The following TMEM132C variants were observed in gnomAD, a reference collection of about 807,000 sequenced individuals.
The protein encoded by TMEM132C is transmembrane protein 132C, also known as protein phosphatase 1, regulatory subunit 152.
Under a neutral mutation model 61.4 loss-of-function variants are expected in TMEM132C, and 29 were observed. That is an observed-to-expected ratio of 0.47 (90% CI 0.35 to 0.64). The LOEUF is 0.64. TMEM132C is among the 30% of genes least tolerant of loss of function. The pLI, the probability that TMEM132C is intolerant of heterozygous loss-of-function variation, is 0.00. For missense variants in TMEM132C, 1,408 were observed against 1,476.9 expected (o/e 0.95, Z 0.76); for synonymous variants, 656 against 633.1 (o/e 1.04, Z -0.54).
chr12:128,335,132 A>G (rs2135948777), intron 1 of TMEM132C, among the ~76,000 whole-genome samples: 1 of 152,346 alleles, frequency 6.6e-6, no homozygotes, highest in African/African-American at 2.4e-5. Flanking sequence ...ATAACTTGGC[A>G]TCTGAGTTCT....
chr12:128,499,301 T>C (rs1872076034), intron 2 of TMEM132C, among the ~76,000 whole-genome samples: 1 of 152,206 alleles, frequency 6.6e-6, no homozygotes. Context: ...GTGTACATAT[T>C]TATGAGGTAC....
chr12:128,547,258 GT>G (rs1351475243), intron 3 of TMEM132C, among the ~76,000 whole-genome samples: 1 of 152,188 alleles, frequency 6.6e-6, no homozygotes, highest in East Asian at 1.9e-4. Context: ...GGCCATGACT[GT>G]GGCTGCTTGC....
In TMEM132C at chr12:128,695,873, G is replaced by A. The variant is rs1409304358; in HGVS notation, c.1699G>A (p.Gly567Ser). The A allele has an allele frequency of 1.3e-6, 2 of 1,549,012 alleles. No individual in the cohort carries two copies. Among genetic ancestry groups the A allele is most frequent in the Admixed American group, 2.0e-5 (1 of 50,968 alleles). ...GGATGAGGACGAGGAGGAGCGGCGG[G>A]GCCGGGGCTGCGCACTGCAATACCA... ...SEDEDEEERR[G>S]RGCALQYQHA... The change falls in exon 7 of 9, where the codon GGC (glycine) becomes AGC (serine). Residue 567 changes from glycine (G) to serine (S), a missense_variant. Coordinates refer to ENST00000435159, the MANE Select transcript of TMEM132C (RefSeq NM_001136103.3).
intron 3 of TMEM132C, among the ~76,000 whole-genome samples, chr12:128,573,628 TA>T (rs147978624): frequency 2.7e-4 from 39 of 146,586 alleles, no homozygotes; most frequent in South Asian, 4.4e-4. Flanking sequence ...TAAAAAAGAT[TA>T]AAAAAAAAAG....
rs755107732 is a variant in TMEM132C, at chr12:128,706,392, C to T, written c.*97C>T. 585 of 1,408,636 alleles carry T rather than the reference C, an allele frequency of 4.2e-4. 1 individual carries two copies. The highest frequency in any genetic ancestry group is 5.1e-4 in the Non-Finnish European group (552 of 1,075,178). The allele number at this position is 1,408,636 out of a possible 1,614,324, so 87.3% of individuals were successfully genotyped here. A position where few individuals can be genotyped will look rare whatever the true frequency, so the allele number is the denominator to read the frequency against. On this transcript the variant is annotated 3_prime_UTR_variant, in exon 9 of 9. Coordinates refer to ENST00000435159, the MANE Select transcript of TMEM132C (RefSeq NM_001136103.3). ...CGTTGTCAGTGGGGTTAAGAAGGGA[C>T]GGTCCCAGGGTCCATGCTAGACCAG... is the stretch of plus-strand genomic sequence containing the variant.
intron 1 of TMEM132C, among the ~76,000 whole-genome samples, chr12:128,352,900 A>G (rs1305322716): frequency 6.6e-6 from 1 of 152,068 alleles, no homozygotes; most frequent in African/African-American, 2.4e-5. Context: ...ACCTTTTTCT[A>G]ATTTAGTTCA....
chr12:128,276,224 T>G (rs907417695), intron 1 of TMEM132C, among the ~76,000 whole-genome samples: 5 of 152,096 alleles, frequency 3.3e-5, no homozygotes, highest in Non-Finnish European at 7.4e-5. Context: ...GTTCAATAAA[T>G]CAGGGCCATC....
At chr12:128,601,990 A>G (rs1477801492) in intron 3 of TMEM132C, among the ~76,000 whole-genome samples, 1 of 151,928 alleles carries the variant, frequency 6.6e-6, no homozygotes, top group African/African-American at 2.4e-5. Flanking sequence ...AGGCAGGAGG[A>G]TTGCTCGAGG....
intron 2 of TMEM132C, among the ~76,000 whole-genome samples, chr12:128,480,569 C>T (rs1010618147): frequency 4.6e-5 from 7 of 152,144 alleles, no homozygotes; most frequent in Non-Finnish European, 8.8e-5. Flanking sequence ...CTGCAGTCCC[C>T]GTTGCTGCAG....
At chr12:128,663,706 C>T (rs1288316499) in intron 4 of TMEM132C, among the ~76,000 whole-genome samples, 9 of 132,150 alleles carry the variant, frequency 6.8e-5, no homozygotes, top group South Asian at 6.5e-4. Context: ...TGCATGTATG[C>T]GTGTGTGTAT....
chr12:128,536,648 G>A (rs184830452), intron 2 of TMEM132C, among the ~76,000 whole-genome samples: 26 of 152,278 alleles, frequency 1.7e-4, no homozygotes, highest in Middle Eastern at 3.4e-3. Flanking sequence ...CAGTGTTCCC[G>A]CATGGGGACC....
At chr12:128,490,220 T>G (rs2136099761) in intron 2 of TMEM132C, among the ~76,000 whole-genome samples, 1 of 152,106 alleles carries the variant, frequency 6.6e-6, no homozygotes, top group South Asian at 2.1e-4. Context: ...GAGCCAAGAG[T>G]TTTGCTCTGA....
intron 1 of TMEM132C, among the ~76,000 whole-genome samples, chr12:128,354,804 A>C (rs1473201718): frequency 6.6e-6 from 1 of 152,192 alleles, no homozygotes; most frequent in Admixed American, 6.5e-5. Flanking sequence ...CATTCATACA[A>C]GTTGGAGATT....
chr12:128,502,775 A>G (rs1190124919), intron 2 of TMEM132C, among the ~76,000 whole-genome samples: 1 of 152,104 alleles, frequency 6.6e-6, no homozygotes, highest in African/African-American at 2.4e-5. Flanking sequence ...CTCACCAGAG[A>G]CTCTAATGGC....
chr12:128,415,683 C>A lies in TMEM132C; in HGVS notation c.974+63C>A. 7.0e-7 allele frequency: 1 copy of A among 1,438,002 alleles called. No homozygotes were observed. Among genetic ancestry groups the A allele is most frequent in the Non-Finnish European group, 9.2e-7 (1 of 1,083,566 alleles). 89.1% of individuals were successfully genotyped at this position (1,438,002 alleles called of 1,614,324 possible). A position where few individuals can be genotyped will look rare whatever the true frequency, so the allele number is the denominator to read the frequency against. Reference sequence around the variant, plus strand: ...GCCTGGTGTGAGACTGGGTTCCATGCGTGGCAGATAGATATTCAGGAAGCA... The same window carrying A: ...GCCTGGTGTGAGACTGGGTTCCATGAGTGGCAGATAGATATTCAGGAAGCA... On this transcript the variant is annotated intron_variant, in intron 2 of 8. Coordinates refer to ENST00000435159, the MANE Select transcript of TMEM132C (RefSeq NM_001136103.3). This position sits in a 1 kb window ranked among gnomAD's most constrained non-coding sequence, Gnocchi z 5.8.
intron 5 of TMEM132C, among the ~76,000 whole-genome samples, chr12:128,688,300 C>T (rs190609170): frequency 2.6e-5 from 4 of 152,310 alleles, no homozygotes; most frequent in African/African-American, 4.8e-5. Flanking sequence ...AACCAACTCT[C>T]GTTGACATTT....
chr12:128,645,433 G>C, intron 4 of TMEM132C, among the ~76,000 whole-genome samples: 1 of 152,198 alleles, frequency 6.6e-6, no homozygotes, highest in Non-Finnish European at 1.5e-5. Flanking sequence ...GCACCTGACC[G>C]CCAATTCTGT....
At chr12:128,518,171 A>T (rs1258510614) in intron 2 of TMEM132C, among the ~76,000 whole-genome samples, 1 of 152,232 alleles carries the variant, frequency 6.6e-6, no homozygotes, top group South Asian at 2.1e-4. Flanking sequence ...GCCCTGGTGG[A>T]TAAAGCTTGC....
intron 2 of TMEM132C, among the ~76,000 whole-genome samples, chr12:128,451,417 C>T (rs960256474): frequency 6.6e-6 from 1 of 151,988 alleles, no homozygotes; most frequent in African/African-American, 2.4e-5. Flanking sequence ...AAAATTGATC[C>T]TCTTCATCCT....
Sources: allele counts gnomAD v4.1 joint callset (sites outside exome capture counted in the v4.1 genomes callset), GRCh38; gene constraint gnomAD v4.1.1; non-coding constraint Gnocchi (gnomAD v3.1); transcripts MANE v1.5; gene names NCBI Gene and HGNC (gene_info 2026-07-23, HGNC 2026-07-21).